PI4KA: variants seen among roughly 807,000 people sequenced by gnomAD.
PI4KA encodes PI4-kinase alpha.
Under a neutral mutation model 271.4 loss-of-function variants are expected in PI4KA, and 122 were observed. The ratio of observed to expected loss-of-function variants is 0.45; its 90% CI spans 0.39 to 0.52. The LOEUF is 0.52. PI4KA is among the 20% of genes least tolerant of loss of function. PI4KA has a pLI of 0.00. For missense variants in PI4KA, 1,969 were observed against 2,769.1 expected (o/e 0.71, Z 6.48); for synonymous variants, 1,041 against 1,078.8 (o/e 0.96, Z 0.69).
chr22:20,785,982 CCCCCTTTCCTTTT>C (rs774519246), intron 19 of PI4KA: 2 of 1,613,960 alleles, frequency 1.2e-6, no homozygotes, highest in Non-Finnish European at 1.7e-6. Context: ...AAAACTGGGC[CCCCCTTTCCTTTT>C]CTGTCTAGAA....
At chr22:20,844,405 T>C (rs548992777) in intron 1 of PI4KA, among the ~76,000 whole-genome samples, 108 of 152,324 alleles carry the variant, frequency 7.1e-4, no homozygotes, top group African/African-American at 2.5e-3. Context: ...CAGTTGACAC[T>C]GAACAAGTAT....
chr22:20,848,758 TG>T (rs923167546), intron 1 of PI4KA, among the ~76,000 whole-genome samples: 41 of 152,052 alleles, frequency 2.7e-4, no homozygotes, highest in African/African-American at 9.9e-4. Flanking sequence ...TGTAAGTCTT[TG>T]TGACCTTGAA....
intron 43 of PI4KA, among the ~76,000 whole-genome samples, chr22:20,719,169 A>G (rs866072897): frequency 1.1e-4 from 16 of 150,912 alleles, no homozygotes; most frequent in South Asian, 2.1e-4. Context: ...AGGGAGAAAA[A>G]AGCCCGTGTC....
chr22:20,729,713 T>TA lies in PI4KA; in HGVS notation c.4409-3dup, dbSNP rs1269241852. 6.3e-7 allele frequency: 1 copy of TA among 1,592,642 alleles called. No individual in the cohort carries two copies. The highest frequency in any genetic ancestry group is 1.1e-5 in the South Asian group (1 of 88,406). On this transcript the variant is annotated splice_polypyrimidine_tract_variant and splice_region_variant and intron_variant, in intron 37 of 54. Transcript: ENST00000255882. ...CCCGGTTGGTTTTCTTAGACATGCC[T>TA]AGGAGGAAAGACAAAGCACAGGTGT...
At chr22:20,820,135 G>C (rs1922445339) in intron 5 of PI4KA, among the ~76,000 whole-genome samples, 1 of 152,148 alleles carries the variant, frequency 6.6e-6, no homozygotes, top group South Asian at 2.1e-4. Flanking sequence ...CTGCTTGGAA[G>C]GTCTTCATCT....
intron 3 of PI4KA, among the ~76,000 whole-genome samples, chr22:20,832,647 G>T (rs1924344776): frequency 6.6e-6 from 1 of 151,998 alleles, no homozygotes; most frequent in African/African-American, 2.4e-5. Flanking sequence ...TAGAGATGGG[G>T]TTTCACCATG....
At chr22:20,786,385 G>A (rs553900923) in intron 19 of PI4KA, among the ~76,000 whole-genome samples, 37 of 152,324 alleles carry the variant, frequency 2.4e-4, no homozygotes, top group African/African-American at 8.4e-4. Context: ...GCCATGGGGT[G>A]AGCCCCACTC....
chr22:20,817,412 A>T (rs1240579604), intron 7 of PI4KA, among the ~76,000 whole-genome samples: 1 of 151,996 alleles, frequency 6.6e-6, no homozygotes, highest in African/African-American at 2.4e-5. Flanking sequence ...AATTATGTAA[A>T]AGTACTTTGT....
chr22:20,758,962 G>C (rs1322646942), intron 23 of PI4KA, among the ~76,000 whole-genome samples: 1 of 152,202 alleles, frequency 6.6e-6, no homozygotes, highest in African/African-American at 2.4e-5. Flanking sequence ...CTTCCTGACT[G>C]TTGTACAGCA....
chr22:20,727,389 G>T lies in PI4KA; in HGVS notation c.4782C>A (p.Val1594=). The T allele has an allele frequency of 6.2e-7, 1 of 1,603,268 alleles. No individual in the cohort carries two copies. The highest frequency in any genetic ancestry group is 1.1e-5 in the South Asian group (1 of 90,114). Residue 1594 remains valine, a synonymous_variant, in exon 41 of 55, where the codon GTC becomes GTA. Transcript: ENST00000255882. ...SDVPEAIKFL[V]TWHTIDADAP... Reference sequence around the variant, plus strand: ...CATCGGCGTCGATGGTGTGCCAGGTGACCAGGAACTGCAGAGAAGGTGGGG... The same window carrying T: ...CATCGGCGTCGATGGTGTGCCAGGTTACCAGGAACTGCAGAGAAGGTGGGG...
intron 39 of PI4KA, 113 bp downstream of exon 39, chr22:20,729,200 T>C: frequency 2.3e-6 from 2 of 865,282 alleles, no homozygotes; most frequent in Non-Finnish European, 3.5e-6. Context: ...ACTTCCTGAC[T>C]ATCCTTGAAA....
At chr22:20,829,007 G>A (rs953594058) in intron 3 of PI4KA, among the ~76,000 whole-genome samples, 1 of 152,140 alleles carries the variant, frequency 6.6e-6, no homozygotes, top group African/African-American at 2.4e-5. Context: ...GTATCCCAGG[G>A]ATAAAGCCTA....
chr22:20,715,295 T>G (rs1356741908), intron 45 of PI4KA, among the ~76,000 whole-genome samples: 1 of 151,704 alleles, frequency 6.6e-6, no homozygotes, highest in Non-Finnish European at 1.5e-5. Flanking sequence ...GGTCTCAAAC[T>G]CCTGACCTCA....
chr22:20,792,493 G>A lies in PI4KA; in HGVS notation c.2328+700C>T, dbSNP rs146322004. Among the ~76,000 whole-genome samples, 10 of 152,356 alleles carry A rather than the reference G, an allele frequency of 6.6e-5. No individual in the cohort carries two copies. In the East Asian group the frequency reaches 1.9e-3, roughly 29 times the overall value. ...TGGGGTGAGGAGGAGGGAAGGCACTGTAAGGCAGACACAAGGGATGGCCTA... is the reference window on the plus strand; with the variant it reads ...TGGGGTGAGGAGGAGGGAAGGCACTATAAGGCAGACACAAGGGATGGCCTA... On this transcript the variant is annotated intron_variant, in intron 19 of 54. Coordinates refer to ENST00000255882, the MANE Select transcript of PI4KA (RefSeq NM_058004.4).
intron 9 of PI4KA, among the ~76,000 whole-genome samples, chr22:20,809,041 G>A (rs1935843699): frequency 6.6e-6 from 1 of 152,156 alleles, no homozygotes; most frequent in Admixed American, 6.6e-5. Flanking sequence ...AGGAAGAGCT[G>A]TGGTTGACAG....
chr22:20,753,261 T>C, intron 23 of PI4KA, 81 bp from the exon 24 acceptor site: 3 of 1,335,290 alleles, frequency 2.2e-6, no homozygotes, highest in South Asian at 1.2e-5. Flanking sequence ...TCTTTTGAAA[T>C]GATTTTAGAC....
At chr22:20,780,338 G>A in intron 19 of PI4KA, 3 of 1,345,842 alleles carry the variant, frequency 2.2e-6, no homozygotes, top group Non-Finnish European at 3.1e-6. Flanking sequence ...TCTGGAACGG[G>A]GACAGGGAAG....
intron 17 of PI4KA, 71 bp from the exon 18 acceptor site, chr22:20,796,385 G>A (rs901928163): frequency 5.1e-5 from 75 of 1,479,680 alleles, no homozygotes; most frequent in Non-Finnish European, 6.5e-5. Context: ...GCACTGCAGG[G>A]GTGAGGCGAG....
At chr22:20,713,477 G>A (rs1708721219) in intron 47 of PI4KA, 87 bp from the exon 48 acceptor site, 7 of 1,004,608 alleles carry the variant, frequency 7.0e-6, no homozygotes, top group Non-Finnish European at 1.1e-5. Flanking sequence ...TCACATGCCT[G>A]AAAGGAACCC....
Sources: allele counts gnomAD v4.1 joint callset (sites outside exome capture counted in the v4.1 genomes callset), GRCh38; gene constraint gnomAD v4.1.1; transcripts MANE v1.5; gene names NCBI Gene and HGNC (gene_info 2026-07-23, HGNC 2026-07-21).